The following CPAP variants were observed in gnomAD, a reference collection of about 807,000 sequenced individuals.
CPAP encodes centrosomal P4.1-associated protein.
At chr13:24,911,186 A>G in the CPAP span, among the ~76,000 whole-genome samples, 1 of 152,228 alleles carries the variant, frequency 6.6e-6, no homozygotes, top group Non-Finnish European at 1.5e-5. Flanking sequence ...TCCTCACTAC[A>G]TGCCAGGAAC....
At chr13:24,906,847 T>G in the CPAP span, 2 of 1,614,222 alleles carry the variant, frequency 1.2e-6, no homozygotes, top group Non-Finnish European at 8.5e-7. Context: ...CTAGTTTACT[T>G]TCTTTGCCTT....
the CPAP span, chr13:24,882,992 TATAA>T: frequency 1.6e-6 from 1 of 612,232 alleles, no homozygotes. Flanking sequence ...GGTAGTGAAT[TATAA>T]ATGAGAGCTA....
the CPAP span, among the ~76,000 whole-genome samples, chr13:24,892,447 G>A: frequency 6.6e-6 from 1 of 152,146 alleles, no homozygotes; most frequent in Non-Finnish European, 1.5e-5. Context: ...CTGCGGTGTA[G>A]TGCAACCATC....
chr13:24,905,244 T>C, the CPAP span: 5 of 1,124,186 alleles, frequency 4.4e-6, no homozygotes, highest in African/African-American at 1.5e-5. Flanking sequence ...CTTAATTCTA[T>C]TGAGCAATAA....
the CPAP span, chr13:24,883,491 ATCCCTATAC>A: frequency 2.8e-6 from 2 of 710,820 alleles, no homozygotes; most frequent in African/African-American, 3.7e-5. Context: ...TCCCTTGGTT[ATCCCTATAC>A]AATTGTAACT....
At chr13:24,888,637 C>G in the CPAP span, among the ~76,000 whole-genome samples, 1 of 152,188 alleles carries the variant, frequency 6.6e-6, no homozygotes, top group Non-Finnish European at 1.5e-5. Context: ...CTGACATGGC[C>G]TGGCATCTTA....
the CPAP span, among the ~76,000 whole-genome samples, chr13:24,890,335 G>A: frequency 2.4e-4 from 36 of 152,260 alleles, no homozygotes; most frequent in African/African-American, 7.7e-4. Flanking sequence ...GAGCGGCGGG[G>A]AGAAGAATGC....
chr13:24,927,943 G>A, the CPAP span, among the ~76,000 whole-genome samples: 1 of 152,210 alleles, frequency 6.6e-6, no homozygotes, highest in Non-Finnish European at 1.5e-5. Flanking sequence ...TAAGACCTCA[G>A]AAGGTTAAAT....
chr13:24,917,944 G>A, the CPAP span, among the ~76,000 whole-genome samples: 2 of 152,168 alleles, frequency 1.3e-5, no homozygotes, highest in Admixed American at 6.5e-5. Context: ...ATTCATTAGG[G>A]TGGAGCCCTC....
the CPAP span, chr13:24,884,165 T>C: frequency 1.2e-6 from 2 of 1,614,024 alleles, no homozygotes; most frequent in African/African-American, 2.7e-5. Flanking sequence ...TTGTACCTAT[T>C]TGTCCACTTG....
the CPAP span, among the ~76,000 whole-genome samples, chr13:24,926,245 C>T: frequency 6.6e-6 from 1 of 152,134 alleles, no homozygotes; most frequent in African/African-American, 2.4e-5. Flanking sequence ...GAATTTTCAA[C>T]CTAGGGTTTC....
the CPAP span, chr13:24,906,144 T>G: frequency 6.2e-7 from 1 of 1,613,730 alleles, no homozygotes; most frequent in Non-Finnish European, 8.5e-7. Context: ...TTACAATGAC[T>G]AATGGGATCT....
the CPAP span, chr13:24,889,021 T>C: frequency 2.5e-6 from 1 of 395,766 alleles, no homozygotes. Context: ...AATGAATGTT[T>C]CCTTTGAGCA....
the CPAP span, chr13:24,885,329 C>T: frequency 6.1e-5 from 98 of 1,613,984 alleles, no homozygotes; most frequent in Middle Eastern, 4.9e-4. Flanking sequence ...TCCTCCTCCT[C>T]TTTATATTCA....
chr13:24,892,872 CA>C, the CPAP span: 13,978 of 1,179,684 alleles, frequency 0.012, no homozygotes, highest in Non-Finnish European at 0.013. Context: ...TAAAGTCTCT[CA>C]AAAAAAAAAA....
the CPAP span, among the ~76,000 whole-genome samples, chr13:24,888,309 G>C: frequency 6.6e-6 from 1 of 151,804 alleles, no homozygotes; most frequent in Non-Finnish European, 1.5e-5. Flanking sequence ...GAAAATATTA[G>C]CAGTGCTTGT....
chr13:24,896,538 G>C, the CPAP span, among the ~76,000 whole-genome samples: 1 of 152,242 alleles, frequency 6.6e-6, no homozygotes, highest in African/African-American at 2.4e-5. Flanking sequence ...TAGCAGCCTG[G>C]ACTGCAGAGC....
At chr13:24,907,964 A>T in the CPAP span, 1 of 1,220,990 alleles carries the variant, frequency 8.2e-7, no homozygotes, top group Non-Finnish European at 1.2e-6. Context: ...TCAATAATAA[A>T]GGCTAGCTAT....
At chr13:24,917,962 A>C in the CPAP span, among the ~76,000 whole-genome samples, 1 of 152,302 alleles carries the variant, frequency 6.6e-6, no homozygotes, top group East Asian at 1.9e-4. Context: ...CTCATGACCT[A>C]ATCACCTCTT....
Sources: allele counts gnomAD v4.1 joint callset (sites outside exome capture counted in the v4.1 genomes callset), GRCh38; gene constraint gnomAD v4.1.1; transcripts MANE v1.5; gene names NCBI Gene and HGNC (gene_info 2026-07-23, HGNC 2026-07-21).